HEMK2: variants seen among roughly 807,000 people sequenced by gnomAD.
The protein encoded by HEMK2 is HemK methyltransferase 2, ETF1 glutamine and histone H4 lysine, also known as methyltransferase HEMK2.
the HEMK2 span, among the ~76,000 whole-genome samples, chr21:28,866,854 A>C: frequency 6.6e-6 from 1 of 152,250 alleles, no homozygotes; most frequent in East Asian, 1.9e-4. Context: ...AAGTAAAAAG[A>C]CAACAGAAAT....
At chr21:28,724,687 C>T in the HEMK2 span, among the ~76,000 whole-genome samples, 1 of 150,832 alleles carries the variant, frequency 6.6e-6, no homozygotes, top group Non-Finnish European at 1.5e-5. Context: ...CAAAAGAATT[C>T]CCCTAAACAT....
chr21:28,852,198 G>A, the HEMK2 span, among the ~76,000 whole-genome samples: 1 of 152,260 alleles, frequency 6.6e-6, no homozygotes, highest in African/African-American at 2.4e-5. Flanking sequence ...TATTTTTCTA[G>A]GTAGAGGCAG....
the HEMK2 span, among the ~76,000 whole-genome samples, chr21:28,597,411 C>G: frequency 6.6e-6 from 1 of 152,164 alleles, no homozygotes; most frequent in Non-Finnish European, 1.5e-5. Flanking sequence ...ATAAATCATG[C>G]TAAATACTTT....
At chr21:28,637,793 A>T in the HEMK2 span, among the ~76,000 whole-genome samples, 14 of 152,336 alleles carry the variant, frequency 9.2e-5, no homozygotes, top group South Asian at 2.1e-4. Flanking sequence ...ATTTTGAAGA[A>T]TTTTAATATA....
chr21:28,885,362 C>CCATGCGCGTGCGCAGGG, the HEMK2 span: 1 of 1,535,622 alleles, frequency 6.5e-7, no homozygotes, highest in Non-Finnish European at 8.8e-7. Context: ...TCGCTGCGTT[C>CCATGCGCGTGCGCAGGG]CATGCGCGTG....
chr21:28,740,174 G>GCACAT, the HEMK2 span, among the ~76,000 whole-genome samples: 1 of 152,138 alleles, frequency 6.6e-6, no homozygotes, highest in Non-Finnish European at 1.5e-5. Context: ...TATTTATAAT[G>GCACAT]GAAATTCTCT....
the HEMK2 span, among the ~76,000 whole-genome samples, chr21:28,638,054 T>C: frequency 1.3e-5 from 2 of 152,198 alleles, no homozygotes; most frequent in Admixed American, 6.5e-5. Context: ...TTCCTGAAAC[T>C]TGGGGTATGC....
chr21:28,838,972 A>AAAAAAAATATATATATAT, the HEMK2 span, among the ~76,000 whole-genome samples: 3 of 29,154 alleles, frequency 1.0e-4, no homozygotes, highest in Non-Finnish European at 5.6e-5. Context: ...AAAAAAAAAA[A>AAAAAAAATATATATATAT]ATATATATAT....
At chr21:28,741,466 G>C in the HEMK2 span, among the ~76,000 whole-genome samples, 1 of 152,048 alleles carries the variant, frequency 6.6e-6, no homozygotes, top group Admixed American at 6.6e-5. Flanking sequence ...TGTGTCATGG[G>C]GGTTTGTTGT....
At chr21:28,883,049 C>G in the HEMK2 span, 2 of 1,603,334 alleles carry the variant, frequency 1.2e-6, no homozygotes, top group African/African-American at 2.7e-5. Context: ...GACCCTGACC[C>G]TACTTCCAGG....
chr21:28,784,714 A>T, the HEMK2 span, among the ~76,000 whole-genome samples: 9 of 152,206 alleles, frequency 5.9e-5, no homozygotes, highest in African/African-American at 1.9e-4. Flanking sequence ...AGGGATTATA[A>T]ACACACCAAT....
chr21:28,869,736 T>C, the HEMK2 span, among the ~76,000 whole-genome samples: 4 of 152,230 alleles, frequency 2.6e-5, no homozygotes, highest in South Asian at 8.3e-4. Flanking sequence ...TAGAACACTT[T>C]CTATGCTCTG....
At chr21:28,769,844 G>A in the HEMK2 span, among the ~76,000 whole-genome samples, 3 of 152,136 alleles carry the variant, frequency 2.0e-5, no homozygotes, top group Non-Finnish European at 4.4e-5. Flanking sequence ...TTCTTATTCT[G>A]AATAATTTCT....
the HEMK2 span, among the ~76,000 whole-genome samples, chr21:28,581,282 G>T: frequency 6.6e-6 from 1 of 150,388 alleles, no homozygotes; most frequent in African/African-American, 2.5e-5. Context: ...AGGATTCATT[G>T]TTAGCAAGTC....
chr21:28,831,566 G>GAAAGAAA, the HEMK2 span, among the ~76,000 whole-genome samples: 1 of 65,796 alleles, frequency 1.5e-5, no homozygotes, highest in Non-Finnish European at 2.6e-5. Context: ...AAGGAAAGAA[G>GAAAGAAA]GAAAGAAAGA....
At chr21:28,753,310 T>A in the HEMK2 span, among the ~76,000 whole-genome samples, 1 of 149,962 alleles carries the variant, frequency 6.7e-6, no homozygotes, top group African/African-American at 2.5e-5. Context: ...TGAACTGAGA[T>A]TGCACCACTG....
the HEMK2 span, among the ~76,000 whole-genome samples, chr21:28,579,050 G>A: frequency 1.6e-4 from 24 of 152,254 alleles, no homozygotes; most frequent in African/African-American, 4.6e-4. Flanking sequence ...ATTGAATAAC[G>A]TACTTTTGAT....
the HEMK2 span, among the ~76,000 whole-genome samples, chr21:28,624,750 T>C: frequency 2.6e-3 from 394 of 152,224 alleles, 5 homozygotes; most frequent in African/African-American, 9.0e-3. Flanking sequence ...GGAACACTAA[T>C]CAGGAACCCA....
At chr21:28,594,934 A>G in the HEMK2 span, among the ~76,000 whole-genome samples, 1 of 152,204 alleles carries the variant, frequency 6.6e-6, no homozygotes, top group Non-Finnish European at 1.5e-5. Flanking sequence ...ACAAGTATTT[A>G]TTGGCACCGA....
Sources: allele counts gnomAD v4.1 joint callset (sites outside exome capture counted in the v4.1 genomes callset), GRCh38; gene constraint gnomAD v4.1.1; transcripts MANE v1.5; gene names NCBI Gene and HGNC (gene_info 2026-07-23, HGNC 2026-07-21).